The following ZNF385D variants were observed in gnomAD, a reference collection of about 807,000 sequenced individuals.
The protein encoded by ZNF385D is zinc finger protein 385D.
A neutral mutation model predicts 35.8 loss-of-function variants in ZNF385D; 15 were observed. The observed-to-expected ratio is 0.42, with a 90% CI of 0.28 to 0.64. The LOEUF is 0.64. ZNF385D is among the 30% of genes least tolerant of loss of function. The pLI is 0.23. For synonymous variants in ZNF385D, 212 were observed against 186.8 expected (o/e 1.13, Z -1.10); for missense variants, 474 against 494.6 (o/e 0.96, Z 0.39).
intron 2 of ZNF385D, among the ~76,000 whole-genome samples, chr3:21,581,008 C>T (rs189368376): frequency 6.6e-6 from 1 of 152,128 alleles, no homozygotes; most frequent in East Asian, 1.9e-4. Flanking sequence ...CACTAATTTA[C>T]GTCCTTCCTC....
At chr3:22,065,843 T>C (rs1699920443) in intron 3 of ZNF385D, among the ~76,000 whole-genome samples, 1 of 152,082 alleles carries the variant, frequency 6.6e-6, no homozygotes, top group South Asian at 2.1e-4. Flanking sequence ...ATCTCTTATC[T>C]CCTCATTTTG....
chr3:22,190,679 C>G, intron 2 of ZNF385D, among the ~76,000 whole-genome samples: 1 of 152,236 alleles, frequency 6.6e-6, no homozygotes, highest in Non-Finnish European at 1.5e-5. Context: ...AAAACTGTCC[C>G]CTATGAATAA....
At chr3:21,580,872 A>C (rs2063638488) in intron 2 of ZNF385D, among the ~76,000 whole-genome samples, 1 of 152,064 alleles carries the variant, frequency 6.6e-6, no homozygotes, top group African/African-American at 2.4e-5. Context: ...TTACCCACCA[A>C]TTCCCTAGAA....
intron 1 of ZNF385D, among the ~76,000 whole-genome samples, chr3:21,710,636 G>A (rs1227596523): frequency 6.6e-6 from 1 of 152,132 alleles, no homozygotes; most frequent in Non-Finnish European, 1.5e-5. Context: ...ACTCATGCAT[G>A]TTTGGGACAA....
rs376118404 is a variant in ZNF385D at position 22,127,443 on chromosome 3, G to A, written c.325+41374C>T. On this transcript the variant is annotated intron_variant, in intron 3 of 5. Coordinates refer to the ZNF385D transcript ENST00000494108. Reference sequence around the variant, plus strand: ...AAACCTCTGCTTCCTGGCTTCAAGCGATTCTCCTGCCTCAGCCTCCCTAGT... The same window carrying A: ...AAACCTCTGCTTCCTGGCTTCAAGCAATTCTCCTGCCTCAGCCTCCCTAGT... 1.3e-4 allele frequency among the ~76,000 whole-genome samples: 18 copies of A among 141,760 alleles called. No individual in the cohort carries two copies. In the East Asian group the frequency reaches 2.4e-3, roughly 19 times the overall value. 93.0% of individuals were successfully genotyped at this position (141,760 alleles called of 152,430 possible).
intron 3 of ZNF385D, among the ~76,000 whole-genome samples, chr3:21,983,504 T>C (rs1694628226): frequency 7.4e-6 from 1 of 135,110 alleles, no homozygotes; most frequent in Admixed American, 7.8e-5. Context: ...TCATCATTTT[T>C]TATGGCTGCA....
At chr3:22,309,668 A>G (rs557313280) in intron 2 of ZNF385D, among the ~76,000 whole-genome samples, 2 of 152,158 alleles carry the variant, frequency 1.3e-5, no homozygotes, top group Non-Finnish European at 2.9e-5. Flanking sequence ...ACAGTCGACA[A>G]TTAAGCTGAC....
At chr3:22,095,088 C>CTTTTTTTT (rs10663641) in intron 3 of ZNF385D, among the ~76,000 whole-genome samples, 10 of 121,946 alleles carry the variant, frequency 8.2e-5, no homozygotes, top group East Asian at 2.3e-4. Context: ...TTCATTCTTT[C>CTTTTTTTT]TTTTTTTTTT....
In ZNF385D at chr3:21,630,373, T is replaced by C. The variant is rs533374492; in HGVS notation, c.165+34513A>G. ...GGCATGTGCCACCACACCCAGCTGA[T>C]TTTGTATTTTTAGTAGAGACGGGGT... On this transcript the variant is annotated intron_variant, in intron 2 of 7. Coordinates refer to ENST00000281523, the MANE Select transcript of ZNF385D (RefSeq NM_024697.3). Among the ~76,000 whole-genome samples the C allele has an allele frequency of 9.2e-5, 14 of 152,052 alleles. No individual in the cohort carries two copies. The South Asian group carries it at 2.7e-3, about 29-fold the overall frequency.
At chr3:21,586,565 A>C (rs2063816943) in intron 2 of ZNF385D, among the ~76,000 whole-genome samples, 1 of 152,192 alleles carries the variant, frequency 6.6e-6, no homozygotes. Flanking sequence ...AAAACAATGA[A>C]TTAAAGACAA....
At chr3:21,980,934 A>T (rs1011517458) in intron 3 of ZNF385D, among the ~76,000 whole-genome samples, 1 of 152,158 alleles carries the variant, frequency 6.6e-6, no homozygotes, top group South Asian at 2.1e-4. Flanking sequence ...TCCATGGTAT[A>T]TATGTACCAC....
intron 3 of ZNF385D, among the ~76,000 whole-genome samples, chr3:21,908,132 A>ATCTG (rs1699782154): frequency 1.4e-5 from 2 of 146,066 alleles, no homozygotes; most frequent in Admixed American, 1.4e-4. Flanking sequence ...CTATCTATCT[A>ATCTG]TCTATCTATC....
intron 2 of ZNF385D, among the ~76,000 whole-genome samples, chr3:22,200,500 T>C (rs1377834284): frequency 1.3e-5 from 2 of 152,004 alleles, no homozygotes; most frequent in Non-Finnish European, 1.5e-5. Flanking sequence ...ACAAGTCAAA[T>C]GGAGGCAGGG....
intron 3 of ZNF385D, among the ~76,000 whole-genome samples, chr3:22,086,410 C>T (rs573794244): frequency 1.5e-4 from 23 of 151,880 alleles, no homozygotes; most frequent in African/African-American, 5.5e-4. Context: ...ACACCAATAA[C>T]AGACAGAGAG....
intron 3 of ZNF385D, among the ~76,000 whole-genome samples, chr3:21,978,734 T>C (rs762627531): frequency 1.1e-4 from 17 of 152,138 alleles, no homozygotes; most frequent in Non-Finnish European, 1.8e-4. Flanking sequence ...TTTAAGCAAA[T>C]TGGCAAATTA....
chr3:22,225,949 C>A (rs934411745), intron 2 of ZNF385D, among the ~76,000 whole-genome samples: 1 of 152,126 alleles, frequency 6.6e-6, no homozygotes, highest in African/African-American at 2.4e-5. Flanking sequence ...ACAAAGAGCA[C>A]AGGAAGGTTC....
At chr3:21,788,699 A>G (rs1282229205) in intron 3 of ZNF385D, among the ~76,000 whole-genome samples, 1 of 152,166 alleles carries the variant, frequency 6.6e-6, no homozygotes, top group East Asian at 1.9e-4. Context: ...GTGCATTTTT[A>G]AAAGAATAAA....
chr3:21,850,681 A>G (rs950834439), intron 3 of ZNF385D, among the ~76,000 whole-genome samples: 7 of 152,116 alleles, frequency 4.6e-5, no homozygotes, highest in Non-Finnish European at 7.4e-5. Context: ...CACGTGGTTG[A>G]GAGATGTTAA....
At chr3:22,356,778 T>A (rs1696170825) in intron 2 of ZNF385D, among the ~76,000 whole-genome samples, 1 of 150,518 alleles carries the variant, frequency 6.6e-6, no homozygotes, top group African/African-American at 2.5e-5. Flanking sequence ...GATAGACAGA[T>A]GATAGAGTGA....
Sources: allele counts gnomAD v4.1 joint callset (sites outside exome capture counted in the v4.1 genomes callset), GRCh38; gene constraint gnomAD v4.1.1; transcripts MANE v1.5; gene names NCBI Gene and HGNC (gene_info 2026-07-23, HGNC 2026-07-21).